PRKN: variants seen among roughly 807,000 people sequenced by gnomAD.
PRKN encodes the protein E3 ubiquitin-protein ligase parkin.
Under a neutral mutation model 59.5 loss-of-function variants are expected in PRKN, and 56 were observed. The observed-to-expected ratio is 0.94, with a 90% CI of 0.76 to 1.18. The LOEUF (loss-of-function observed/expected upper bound fraction) is 1.18. Among genes scored for constraint, PRKN ranks in the 50% most tolerant of loss-of-function variants. The pLI is 0.00. For missense variants in PRKN, 657 were observed against 596.4 expected, an observed-to-expected ratio of 1.10 and a Z score of -1.06; for synonymous variants, 250 against 222.1, an observed-to-expected ratio of 1.13 and a Z score of -1.12.
intron 1 of PRKN, among the ~76,000 whole-genome samples, chr6:162,544,239 G>A (rs1779032358): frequency 6.6e-6 from 1 of 152,104 alleles, no homozygotes; most frequent in South Asian, 2.1e-4. Flanking sequence ...ACACAACCCT[G>A]AGGACACACA....
chr6:162,724,918 T>C (rs560125166), intron 1 of PRKN, among the ~76,000 whole-genome samples: 7 of 152,238 alleles, frequency 4.6e-5, no homozygotes, highest in African/African-American at 1.2e-4. Context: ...GATAAGCCTG[T>C]GCCCAGGCAA....
In PRKN at chr6:162,445,862, G is replaced by A. The variant is rs974250221; in HGVS notation, c.8-2389C>T. Reference sequence around the variant, plus strand: ...TGAGGAGCTAAGAGCAAAGGACCGTGAACAATAACCATGAACAACATGGGC... The same window carrying A: ...TGAGGAGCTAAGAGCAAAGGACCGTAAACAATAACCATGAACAACATGGGC... On this transcript the variant is annotated intron_variant, in intron 1 of 11. Coordinates refer to ENST00000366898, the MANE Select transcript of PRKN (RefSeq NM_004562.3). Among the ~76,000 whole-genome samples the A allele has an allele frequency of 5.9e-5, 9 of 151,928 alleles. No individual in the cohort carries two copies. The East Asian group carries it at 1.7e-3, about 29-fold the overall frequency.
At position 161,454,821 on chromosome 6, in the gene PRKN, C is replaced by T. The variant is rs1789891069; in HGVS notation, c.1084-67944G>A. 6.6e-6 allele frequency among the ~76,000 whole-genome samples: 1 copy of T among 152,156 alleles called. No homozygotes were observed. The highest frequency in any genetic ancestry group is 1.5e-5 in the Non-Finnish European group (1 of 68,024). ...AACTTCATCTAGGTCACTGCTGAGA[C>T]ATCACCTCTCCAGTAAAACCATCTA... is the stretch of plus-strand genomic sequence containing the variant. On this transcript the variant is annotated intron_variant, in intron 9 of 11. Coordinates refer to ENST00000366898, the MANE Select transcript of PRKN (RefSeq NM_004562.3). This position sits in a 1 kb window ranked among gnomAD's most constrained non-coding sequence, Gnocchi z 4.6.
chr6:162,509,389 T>C (rs972243030), intron 1 of PRKN, among the ~76,000 whole-genome samples: 2 of 152,134 alleles, frequency 1.3e-5, no homozygotes, highest in African/African-American at 2.4e-5. Flanking sequence ...ATGACCAAAT[T>C]TGTATATTTT....
At chr6:162,102,611 G>T (rs1346177062) in intron 4 of PRKN, among the ~76,000 whole-genome samples, 1 of 152,042 alleles carries the variant, frequency 6.6e-6, no homozygotes, top group African/African-American at 2.4e-5. Context: ...ACATACGCAG[G>T]TATTTTATCT....
intron 2 of PRKN, among the ~76,000 whole-genome samples, chr6:162,374,503 T>C (rs1024316407): frequency 6.6e-6 from 1 of 151,904 alleles, no homozygotes; most frequent in Non-Finnish European, 1.5e-5. Context: ...TCAAAAGCAA[T>C]AGCCTCTTAT....
chr6:161,970,801 G>A (rs1019649598), intron 6 of PRKN, among the ~76,000 whole-genome samples: 4 of 152,284 alleles, frequency 2.6e-5, no homozygotes, highest in African/African-American at 9.6e-5. Flanking sequence ...GCCTCCCAAA[G>A]TGGTGGGATT....
In PRKN at chr6:161,743,213, C is replaced by CTTTTTTTTTTTTTTTTTT. The variant is rs768890758; in HGVS notation, c.871+42541_871+42558dup. Among the ~76,000 whole-genome samples the CTTTTTTTTTTTTTTTTTT allele has an allele frequency of 5.9e-5, 5 of 84,572 alleles. 1 individual carries two copies. Among genetic ancestry groups the CTTTTTTTTTTTTTTTTTT allele is most frequent in the Non-Finnish European group, 1.1e-4 (5 of 45,736 alleles). The allele number at this position is 84,572 out of a possible 152,430, so 55.5% of individuals were successfully genotyped here. ...CTTGCCTGTCTATACTGGTTTCTAC[C>CTTTTTTTTTTTTTTTTTT]TTTTTTTTTTTTTTTTTTTTTTTTT... On this transcript the variant is annotated intron_variant, in intron 7 of 11. Coordinates refer to ENST00000366898, the MANE Select transcript of PRKN (RefSeq NM_004562.3).
At chr6:161,798,516 T>A (rs1048384690) in intron 6 of PRKN, among the ~76,000 whole-genome samples, 17 of 152,206 alleles carry the variant, frequency 1.1e-4, no homozygotes, top group Non-Finnish European at 2.2e-4. Flanking sequence ...TTCTTTTTTA[T>A]CGAAAGCTTG....
chr6:161,709,768 C>T (rs1562623948), intron 7 of PRKN, among the ~76,000 whole-genome samples: 3 of 152,062 alleles, frequency 2.0e-5, no homozygotes. Context: ...ATGTATTAAG[C>T]TTTAAGCATT....
At chr6:161,589,137 G>T (rs765366846) in intron 7 of PRKN, among the ~76,000 whole-genome samples, 1 of 152,160 alleles carries the variant, frequency 6.6e-6, no homozygotes, top group Non-Finnish European at 1.5e-5. Flanking sequence ...ACGGCATGCC[G>T]TCAAGAAACC....
intron 6 of PRKN, among the ~76,000 whole-genome samples, chr6:161,795,833 A>G (rs935459467): frequency 6.6e-6 from 1 of 152,178 alleles, no homozygotes; most frequent in Non-Finnish European, 1.5e-5. Flanking sequence ...CCAAGAAACT[A>G]TAGGGAAGTG....
At position 162,031,238 on chromosome 6, in the gene PRKN, A is replaced by AT. The variant is rs558424739; in HGVS notation, c.618+22852dup. On this transcript the variant is annotated intron_variant, in intron 5 of 11. Transcript: ENST00000366898. ...TGCACACACCTTTCCAAGGGCACCT[A>AT]TTTTTTTTTTTTAATGATAACAAAT... Among the ~76,000 whole-genome samples the AT allele has an allele frequency of 4.6e-3, 662 of 144,620 alleles. 5 individuals carry two copies. Among genetic ancestry groups the AT allele is most frequent in the African/African-American group, 0.012 (496 of 39,756 alleles). 94.9% of individuals were successfully genotyped at this position (144,620 alleles called of 152,430 possible).
chr6:161,885,693 A>C (rs9346887), intron 6 of PRKN, among the ~76,000 whole-genome samples: 67,104 of 149,226 alleles, frequency 0.45, 15,494 homozygotes, highest in East Asian at 0.58. Context: ...AGAATGTCTG[A>C]GCCCTCCTGT....
rs572314411 is a variant in PRKN, at chr6:161,763,371, C to T, written c.871+22401G>A. On this transcript the variant is annotated intron_variant, in intron 7 of 11. Coordinates refer to ENST00000366898, the MANE Select transcript of PRKN (RefSeq NM_004562.3). Reference sequence around the variant, plus strand: ...TGTTGCCCCCGAGACCCACCCCTGTCCCTGGGAAACAGGAGACACCCCCAT... The same window carrying T: ...TGTTGCCCCCGAGACCCACCCCTGTTCCTGGGAAACAGGAGACACCCCCAT... Among the ~76,000 whole-genome samples the T allele has an allele frequency of 2.0e-5, 3 of 151,978 alleles. No homozygotes were observed. In the South Asian group the frequency reaches 6.3e-4, roughly 32 times the overall value.
At position 161,665,551 on chromosome 6, in the gene PRKN, T is replaced by C. The variant is rs1022176246; in HGVS notation, c.872-96135A>G. ...TCATCGAGCATTCAGGTAGGCTCCA[T>C]GCCGGAAATTTAGACTCTTCTTTAC... On this transcript the variant is annotated intron_variant, in intron 7 of 11. Coordinates refer to ENST00000366898, the MANE Select transcript of PRKN (RefSeq NM_004562.3). 3.9e-5 allele frequency among the ~76,000 whole-genome samples: 6 copies of C among 152,206 alleles called. 1 individual carries two copies. Among genetic ancestry groups the C allele is most frequent in the Non-Finnish European group, 8.8e-5 (6 of 68,036 alleles).
intron 6 of PRKN, among the ~76,000 whole-genome samples, chr6:161,916,198 G>A (rs1039666961): frequency 2.6e-5 from 4 of 152,102 alleles, no homozygotes; most frequent in African/African-American, 9.7e-5. Flanking sequence ...TGGTATTTCT[G>A]GCCTTATGAA....
intron 9 of PRKN, among the ~76,000 whole-genome samples, chr6:161,500,878 T>TTTC (rs1554268176): frequency 1.4e-5 from 2 of 143,030 alleles, no homozygotes; most frequent in Non-Finnish European, 3.1e-5. Flanking sequence ...TTTTTTTTCT[T>TTTC]TTTTTTTTTT....
intron 7 of PRKN, among the ~76,000 whole-genome samples, chr6:161,624,504 G>A (rs568471607): frequency 8.5e-5 from 13 of 152,216 alleles, no homozygotes; most frequent in Non-Finnish European, 8.8e-5. Flanking sequence ...TTAAGCCCGG[G>A]TTCCTGCCTC....
Sources: gnomAD v4.1 joint callset for allele counts (sites outside exome capture counted in the v4.1 genomes callset) on GRCh38, gnomAD v4.1.1 for gene constraint, Gnocchi (gnomAD v3.1) non-coding constraint, MANE v1.5 for transcripts, NCBI Gene and HGNC (gene_info 2026-07-23, HGNC 2026-07-21) for gene names.